Variants in IKBKB observed in about 807,000 individuals in gnomAD.
IKBKB encodes inhibitor of nuclear factor kappa B kinase subunit beta.
In IKBKB, 42 loss-of-function variants were observed where a neutral mutation model predicts 113.6. That is an observed-to-expected ratio of 0.37 (90% CI 0.29 to 0.48). The LOEUF is 0.48. Among genes scored for constraint, IKBKB ranks in the 20% least tolerant of loss-of-function variants. IKBKB has a pLI of 0.99. For synonymous variants in IKBKB, 296 were observed against 361.3 expected, an observed-to-expected ratio of 0.82 and a Z score of 2.05; for missense variants, 673 against 939.7, an observed-to-expected ratio of 0.72 and a Z score of 3.71.
intron 2 of IKBKB, among the ~76,000 whole-genome samples, chr8:42,284,331 C>T (rs1440079381): frequency 7.9e-5 from 12 of 152,066 alleles, no homozygotes; most frequent in Non-Finnish European, 1.5e-5. Flanking sequence ...ACCTGTAATC[C>T]CAGCACTTTG....
intron 16 of IKBKB, chr8:42,321,502 C>T (rs986659919): frequency 1.8e-5 from 3 of 166,568 alleles, no homozygotes; most frequent in South Asian, 3.4e-4. Context: ...CTTTATTCTC[C>T]TCTAGTTCTT....
At chr8:42,314,921 T>TC (rs1346240992) in intron 9 of IKBKB, among the ~76,000 whole-genome samples, 1 of 152,214 alleles carries the variant, frequency 6.6e-6, no homozygotes, top group African/African-American at 2.4e-5. Context: ...CTCCCTTATC[T>TC]CCCTAGAAAT....
intron 19 of IKBKB, chr8:42,325,485 C>G (rs1820564490): frequency 1.3e-6 from 1 of 784,136 alleles, no homozygotes; most frequent in African/African-American, 1.9e-5. Context: ...TCGAGACCAG[C>G]CTGGCCAATA....
At chr8:42,307,322 G>A (rs1267591617) in intron 7 of IKBKB, among the ~76,000 whole-genome samples, 1 of 152,142 alleles carries the variant, frequency 6.6e-6, no homozygotes, top group Non-Finnish European at 1.5e-5. Flanking sequence ...ACAAGGTAGA[G>A]CACAGATTAT....
At chr8:42,271,741 C>T (rs1308862488) in intron 1 of IKBKB, 5 of 509,158 alleles carry the variant, frequency 9.8e-6, no homozygotes, top group Middle Eastern at 5.1e-4. Flanking sequence ...GAAGTAGGTT[C>T]TGCCCCTGCC....
chr8:42,279,458 G>T (rs565569696), intron 2 of IKBKB, among the ~76,000 whole-genome samples: 19 of 152,304 alleles, frequency 1.2e-4, no homozygotes, highest in African/African-American at 3.6e-4. Flanking sequence ...CCCTAAGCAT[G>T]GGTATCCTCA....
chr8:42,327,871 C>T (rs1309645705), intron 20 of IKBKB, among the ~76,000 whole-genome samples: 3 of 27,332 alleles, frequency 1.1e-4, no homozygotes, highest in African/African-American at 1.6e-4. Context: ...ACTGCAGTGG[C>T]GCAATCTCGG....
chr8:42,279,831 A>T (rs764226981), intron 2 of IKBKB, among the ~76,000 whole-genome samples: 3 of 152,034 alleles, frequency 2.0e-5, no homozygotes, highest in Non-Finnish European at 4.4e-5. Context: ...GGAAGGGGAA[A>T]ACACTTCTTT....
intron 2 of IKBKB, 166 bp downstream of exon 2, chr8:42,272,371 C>T (rs1053617363): frequency 7.4e-6 from 6 of 807,822 alleles, no homozygotes; most frequent in Admixed American, 2.2e-5. Flanking sequence ...TGAGCTGACT[C>T]CAGGTTAGTG....
chr8:42,301,553 C>T (rs1004503063), intron 5 of IKBKB, among the ~76,000 whole-genome samples: 6 of 152,220 alleles, frequency 3.9e-5, no homozygotes, highest in Non-Finnish European at 8.8e-5. Context: ...TTTTACATTT[C>T]AGTCCCAGAA....
In IKBKB at chr8:42,273,715, G is replaced by GT. The variant is rs574644560; in HGVS notation, c.105+1520dup. On this transcript the variant is annotated intron_variant, in intron 2 of 21. Coordinates refer to ENST00000520810, the MANE Select transcript of IKBKB (RefSeq NM_001556.3). The stretch of plus-strand genomic sequence containing the variant: ...GCCATGGGACCTGGCCTCAGCTGAG[G>GT]TTTTTTTTTTATTTTTTGTAGTGAT... Among the ~76,000 whole-genome samples, 620 of 148,260 alleles carry GT rather than the reference G, an allele frequency of 4.2e-3. 3 individuals carry two copies. The highest frequency in any genetic ancestry group is 6.9e-3 in the Middle Eastern group (2 of 290).
intron 4 of IKBKB, among the ~76,000 whole-genome samples, chr8:42,291,831 C>G (rs751346347): frequency 6.6e-6 from 1 of 152,034 alleles, no homozygotes; most frequent in Non-Finnish European, 1.5e-5. Flanking sequence ...ACTTTGGAGG[C>G]TGGGGTGGGA....
chr8:42,320,221 T>G (rs1819500344), intron 15 of IKBKB: 1 of 157,072 alleles, frequency 6.4e-6, no homozygotes, highest in Admixed American at 6.2e-5. Context: ...TGTGTCTTAG[T>G]ATCGATTTTT....
chr8:42,274,130 A>G (rs1299816099), intron 2 of IKBKB, among the ~76,000 whole-genome samples: 2 of 151,652 alleles, frequency 1.3e-5, no homozygotes, highest in Non-Finnish European at 2.9e-5. Context: ...TCTTGAGTTC[A>G]AGTGATTCTC....
chr8:42,316,912 C>G lies in IKBKB; in HGVS notation c.1125+8C>G. Reference sequence around the variant, plus strand: ...TGTATTTCAGACGGCAAGGTGAGCCCTGGCTTCGTACACACCATCCTGTTT... The same window carrying G: ...TGTATTTCAGACGGCAAGGTGAGCCGTGGCTTCGTACACACCATCCTGTTT... On this transcript the variant is annotated splice_region_variant and intron_variant, in intron 11 of 21. Transcript: ENST00000520810. The surrounding 1 kb of genome is among the most constrained non-coding windows in gnomAD (Gnocchi z 4.5). The G allele has an allele frequency of 6.2e-7, 1 of 1,613,280 alleles. No homozygotes were observed.
chr8:42,320,631 T>C lies in IKBKB; in HGVS notation c.1579-104T>C, dbSNP rs1585787173. Reference sequence around the variant, plus strand: ...TTCCTTTGAGCCAGTCCATTGAGGGTCCTCAGGGAATGTGGCGGGTCCCCT... The same window carrying C: ...TTCCTTTGAGCCAGTCCATTGAGGGCCCTCAGGGAATGTGGCGGGTCCCCT... On this transcript the variant is annotated intron_variant, in intron 15 of 21. Coordinates refer to ENST00000520810, the MANE Select transcript of IKBKB (RefSeq NM_001556.3). The C allele has an allele frequency of 4.5e-6, 4 of 891,890 alleles. No individual in the cohort carries two copies. In the African/African-American group the frequency reaches 6.5e-5, roughly 15 times the overall value. 55.2% of individuals were successfully genotyped at this position (891,890 alleles called of 1,614,324 possible). A position where few individuals can be genotyped will look rare whatever the true frequency, so the allele number is the denominator to read the frequency against.
Position 42,321,817 on chromosome 8 carries a change from ACT to A in IKBKB, c.1689-76_1689-75del, listed in dbSNP as rs556037654. ...AGACCAGCCTGGGCAACATGGTGAA[ACT>A]CTACCTCTACCAAAAAAATGTAAAA... On this transcript the variant is annotated intron_variant, in intron 16 of 21. Transcript: ENST00000520810. 7 of 1,037,064 alleles carry A rather than the reference ACT, an allele frequency of 6.7e-6. No individual in the cohort carries two copies. In the African/African-American group the frequency reaches 1.1e-4, roughly 17 times the overall value. 64.2% of individuals were successfully genotyped at this position (1,037,064 alleles called of 1,614,324 possible).
At position 42,322,156 on chromosome 8, in the gene IKBKB, A is replaced by G; in HGVS notation, c.1838+3A>G. ...CGAGTGATCTATACGCAGCTCAGGT[A>G]TGAGCCCCGACCTTCCTGCTCTGGA... On this transcript the variant is annotated splice_donor_region_variant and intron_variant, in intron 18 of 21. Coordinates refer to ENST00000520810, the MANE Select transcript of IKBKB (RefSeq NM_001556.3). 1 of 1,610,106 alleles carries G rather than the reference A, an allele frequency of 6.2e-7. No individual in the cohort carries two copies. Among genetic ancestry groups the G allele is most frequent in the South Asian group, 1.1e-5 (1 of 90,994 alleles).
intron 19 of IKBKB, 24 bp downstream of exon 19, chr8:42,322,518 G>A: frequency 6.2e-7 from 1 of 1,612,576 alleles, no homozygotes. Flanking sequence ...GTGGTCCCGG[G>A]CCCTTGGCCT....
Sources: allele counts gnomAD v4.1 joint callset (sites outside exome capture counted in the v4.1 genomes callset), GRCh38; gene constraint gnomAD v4.1.1; non-coding constraint Gnocchi (gnomAD v3.1); transcripts MANE v1.5; gene names NCBI Gene and HGNC (gene_info 2026-07-23, HGNC 2026-07-21).